Variants in CLDN18 observed in about 807,000 individuals in gnomAD.
CLDN18 encodes the protein claudin 18.
CLDN18 carries 20 observed loss-of-function variants against 25.0 expected under a neutral mutation model. The ratio of observed to expected loss-of-function variants is 0.80; its 90% confidence interval spans 0.56 to 1.16. CLDN18 has a LOEUF of 1.16. CLDN18 is among the 50% of genes most tolerant of loss of function. CLDN18 has a pLI of 0.00. For synonymous variants in CLDN18, 125 were observed against 135.6 expected, an observed-to-expected ratio of 0.92 and a Z score of 0.54; for missense variants, 297 against 345.4, an observed-to-expected ratio of 0.86 and a Z score of 1.11.
At chr3:138,020,670 T>C (rs1232320458) in intron 1 of CLDN18, among the ~76,000 whole-genome samples, 1 of 152,228 alleles carries the variant, frequency 6.6e-6, no homozygotes, top group Non-Finnish European at 1.5e-5. Context: ...CCAGGACTGC[T>C]GGAGGAGATG....
intron 1 of CLDN18, among the ~76,000 whole-genome samples, chr3:138,013,330 G>A (rs533467847): frequency 5.9e-5 from 9 of 152,248 alleles, no homozygotes; most frequent in African/African-American, 2.2e-4. Flanking sequence ...GCAGAGACTA[G>A]AGTTCAGGAA....
rs200466463 is a variant in CLDN18 at position 138,023,751 on chromosome 3, G to A, written c.314G>A (p.Arg105His). 1.1e-4 allele frequency: 180 copies of A among 1,613,866 alleles called. No homozygotes were observed. The highest frequency in any genetic ancestry group is 1.6e-4 in the Middle Eastern group (1 of 6,084). The change falls in exon 2 of 5, where the codon CGC becomes CAC. Residue 105 changes from arginine to histidine, a missense_variant. Physicochemically the swap from Arg to His is conservative, Grantham distance 29 (BLOSUM62 0). Transcript: ENST00000183605. ...TCCATCTTTGCCCTGAAATGCATCC[G>A]CATTGGCAGCATGGAGGACTCTGCC... ...LVSIFALKCIRIGSMEDSAKA... is the reference protein window; with the variant it reads ...LVSIFALKCIHIGSMEDSAKA...
intron 3 of CLDN18, among the ~76,000 whole-genome samples, chr3:138,024,980 C>T (rs1942310336): frequency 6.6e-6 from 1 of 152,194 alleles, no homozygotes; most frequent in African/African-American, 2.4e-5. Flanking sequence ...ATTTATCTAA[C>T]ACTCTTACAT....
At chr3:138,023,434 G>T (rs1942291599) in intron 1 of CLDN18, among the ~76,000 whole-genome samples, 1 of 152,204 alleles carries the variant, frequency 6.6e-6, no homozygotes. Flanking sequence ...AGACATCTGA[G>T]TGCATGTCCT....
rs372332058 is a variant in CLDN18, at chr3:138,010,504, G to A, written c.220+59G>A. On this transcript the variant is annotated intron_variant, in intron 1 of 4. Transcript: ENST00000183605. ...GAACCAGGTGAGCAGGGAAGGGGGC[G>A]TTTGCGTTAAGCCCCACTCCCACCT... 19 of 1,596,232 alleles carry A rather than the reference G, an allele frequency of 1.2e-5. No homozygotes were observed. In the East Asian group the frequency reaches 3.4e-4, roughly 29 times the overall value.
intron 1 of CLDN18, among the ~76,000 whole-genome samples, chr3:138,002,030 C>T (rs1343009046): frequency 1.3e-5 from 2 of 151,896 alleles, no homozygotes; most frequent in African/African-American, 2.4e-5. Context: ...TTTTATTTCA[C>T]CTGTTTTAGT....
intron 1 of CLDN18, among the ~76,000 whole-genome samples, chr3:138,001,792 T>C (rs1236106659): frequency 6.6e-6 from 1 of 152,256 alleles, no homozygotes; most frequent in Non-Finnish European, 1.5e-5. Context: ...TGATCTAAAG[T>C]ATACTTACTT....
At chr3:138,020,088 G>A (rs3773770) in intron 1 of CLDN18, among the ~76,000 whole-genome samples, 2 of 151,896 alleles carry the variant, frequency 1.3e-5, no homozygotes, top group African/African-American at 4.8e-5. Context: ...TTTACTTATC[G>A]ATAGAGAAGA....
At chr3:137,998,857 CTG>C (rs777830704) in exon 1 of CLDN18, 12 of 1,613,694 alleles carry the variant, frequency 7.4e-6, no homozygotes, top group African/African-American at 6.7e-5. Flanking sequence ...TGTGTCGACA[CTG>C]TGCGCCACCA....
upstream of CLDN18, among the ~76,000 whole-genome samples, chr3:138,006,041 A>G (rs1942066193): frequency 6.6e-6 from 1 of 152,244 alleles, no homozygotes; most frequent in Admixed American, 6.5e-5. Flanking sequence ...AAACTATATT[A>G]TCCTTTAATT....
Position 138,031,126 on chromosome 3 carries a change from G to A in CLDN18, c.771G>A (p.Lys257=). The A allele has an allele frequency of 1.9e-6, 3 of 1,613,596 alleles. No homozygotes were observed. The highest frequency in any genetic ancestry group is 2.5e-6 in the Non-Finnish European group (3 of 1,179,896). Residue 257 remains lysine (K), a synonymous_variant, in exon 5 of 5, where the codon AAG becomes AAA. Coordinates refer to ENST00000183605, the MANE Select transcript of CLDN18 (RefSeq NM_016369.4). ...TEDEVQSYPS[K]HDYV is the part of the protein sequence containing the mutation. Reference sequence around the variant, plus strand: ...ACGAGGTACAATCTTATCCTTCCAAGCACGACTATGTGTAATGCTCTAAGA... The same window carrying A: ...ACGAGGTACAATCTTATCCTTCCAAACACGACTATGTGTAATGCTCTAAGA...
chr3:138,031,027 C>T lies in CLDN18; in HGVS notation c.672C>T (p.Gly224=). Residue 224 remains glycine, a synonymous_variant, in exon 5 of 5, where the codon GGC becomes GGT. Coordinates refer to ENST00000183605, the MANE Select transcript of CLDN18 (RefSeq NM_016369.4). ...SGHSVAYKPG[G]FKASTGFGSN... ...ACAGTGTTGCCTACAAGCCTGGAGG[C>T]TTCAAGGCCAGCACTGGCTTTGGGT... The T allele has an allele frequency of 6.2e-7, 1 of 1,614,162 alleles. No individual in the cohort carries two copies. Among genetic ancestry groups the T allele is most frequent in the East Asian group, 2.2e-5 (1 of 44,888 alleles).
rs749545601 is a variant in CLDN18, at chr3:137,998,824, G to A, written c.-45G>A. ...CTACACTCGGTAGTCTCAGAATTGC[G>A]CTGTCCACTTGTCGTGTGGCTCTGT... is the stretch of plus-strand genomic sequence containing the variant. On this transcript the variant is annotated 5_prime_UTR_variant, in exon 1 of 5. Coordinates refer to the CLDN18 transcript ENST00000343735. 64 of 1,573,762 alleles carry A rather than the reference G, an allele frequency of 4.1e-5. No homozygotes were observed. In the South Asian group the frequency reaches 5.8e-4, roughly 14 times the overall value.
chr3:138,022,061 T>C lies in CLDN18; in HGVS notation c.221-1597T>C, dbSNP rs149936011. ...AAGCTGGAGTCAGGAGCTCAAACAC[T>C]GTCAGGGCTCTCTACCTCACTGTTG... On this transcript the variant is annotated intron_variant, in intron 1 of 4. Coordinates refer to ENST00000183605, the MANE Select transcript of CLDN18 (RefSeq NM_016369.4). Among the ~76,000 whole-genome samples the C allele has an allele frequency of 5.9e-5, 9 of 152,234 alleles. No individual in the cohort carries two copies. In the East Asian group the frequency reaches 1.7e-3, roughly 29 times the overall value.
chr3:138,010,746 A>C (rs987357199), intron 1 of CLDN18, among the ~76,000 whole-genome samples: 7 of 152,232 alleles, frequency 4.6e-5, no homozygotes, highest in Non-Finnish European at 1.5e-5. Flanking sequence ...TTTCTCAAGG[A>C]GAAAATAAAT....
At chr3:138,017,131 A>G (rs1942215845) in intron 1 of CLDN18, among the ~76,000 whole-genome samples, 1 of 151,776 alleles carries the variant, frequency 6.6e-6, no homozygotes, top group South Asian at 2.1e-4. Context: ...CTAAATCATC[A>G]CTGCTGTGTC....
At chr3:138,011,749 C>T (rs990619432) in intron 1 of CLDN18, among the ~76,000 whole-genome samples, 34 of 152,258 alleles carry the variant, frequency 2.2e-4, no homozygotes, top group Middle Eastern at 3.4e-3. Flanking sequence ...AATAACCTCT[C>T]CCCAGGGCCC....
intron 1 of CLDN18, among the ~76,000 whole-genome samples, chr3:138,004,419 A>G (rs564639593): frequency 6.6e-6 from 1 of 152,210 alleles, no homozygotes; most frequent in Admixed American, 6.5e-5. Flanking sequence ...GGAACTTGAC[A>G]AAGTGTCTAG....
chr3:138,008,982 C>T (rs72991129), upstream of CLDN18, among the ~76,000 whole-genome samples: 2,919 of 152,256 alleles, frequency 0.019, 95 homozygotes, highest in African/African-American at 0.067. Context: ...CCCCCATATC[C>T]GTCAACCAAT....
Sources: allele counts gnomAD v4.1 joint callset (sites outside exome capture counted in the v4.1 genomes callset), GRCh38; gene constraint gnomAD v4.1.1; transcripts MANE v1.5; gene names NCBI Gene and HGNC (gene_info 2026-07-23, HGNC 2026-07-21).